Variants in EPHA5 observed in about 807,000 individuals in gnomAD.
EPHA5 encodes EPH receptor A5.
In EPHA5, 60 loss-of-function variants were observed where a neutral mutation model predicts 105.0. The ratio of observed to expected loss-of-function variants is 0.57; its 90% CI spans 0.46 to 0.71. EPHA5 has a LOEUF of 0.71. Among genes scored for constraint, EPHA5 ranks in the 30% least tolerant of loss-of-function variants. The pLI is 0.00. For missense variants in EPHA5, 1,218 were observed against 1,274.7 expected, an observed-to-expected ratio of 0.96 and a Z score of 0.68; for synonymous variants, 513 against 449.1, an observed-to-expected ratio of 1.14 and a Z score of -1.80.
chr4:65,352,818 T>C (rs905888109), intron 12 of EPHA5, among the ~76,000 whole-genome samples: 1 of 150,662 alleles, frequency 6.6e-6, no homozygotes, highest in African/African-American at 2.4e-5. Context: ...CATACTTAAA[T>C]AAAACTTTAG....
intron 8 of EPHA5, among the ~76,000 whole-genome samples, chr4:65,400,748 C>A (rs1303176198): frequency 6.6e-6 from 1 of 151,960 alleles, no homozygotes; most frequent in Non-Finnish European, 1.5e-5. Context: ...ATCATTTGCA[C>A]TTTTTTTGTC....
At chr4:65,498,466 TA>T (rs1178583128) in intron 3 of EPHA5, among the ~76,000 whole-genome samples, 6 of 151,796 alleles carry the variant, frequency 4.0e-5, no homozygotes. Flanking sequence ...GCAGCCTGGG[TA>T]AAAAAGCAAG....
chr4:65,543,716 G>GA (rs1182404033), intron 3 of EPHA5, among the ~76,000 whole-genome samples: 2 of 151,384 alleles, frequency 1.3e-5, no homozygotes, highest in Non-Finnish European at 1.5e-5. Flanking sequence ...CAGAATTCTA[G>GA]AAAAAAATCT....
At position 65,321,395 on chromosome 4, in the gene EPHA5, T is replaced by A. The variant is rs892024133; in HGVS notation, c.*2719A>T. ...TTACTAGAGTTGGCTCCTCTCCTTG[T>A]TCCATTTCTCACACTTGCAGATGAG... On this transcript the variant is annotated 3_prime_UTR_variant, in exon 17 of 17. Transcript: ENST00000613740. The A allele has an allele frequency of 4.3e-6, 1 of 230,288 alleles. No homozygotes were observed. The highest frequency in any genetic ancestry group is 8.6e-6 in the Non-Finnish European group (1 of 116,198). 14.3% of individuals were successfully genotyped at this position (230,288 alleles called of 1,614,324 possible). A position where few individuals can be genotyped will look rare whatever the true frequency, so the allele number is the denominator to read the frequency against.
chr4:65,445,809 C>T (rs1340938138), intron 5 of EPHA5, among the ~76,000 whole-genome samples: 2 of 152,108 alleles, frequency 1.3e-5, no homozygotes, highest in Non-Finnish European at 2.9e-5. Context: ...ATGGATAAAA[C>T]CTCAGGAGCA....
intron 5 of EPHA5, among the ~76,000 whole-genome samples, chr4:65,428,403 A>G (rs369579718): frequency 2.0e-5 from 3 of 152,132 alleles, no homozygotes; most frequent in East Asian, 3.9e-4. Context: ...TGCATTCTCA[A>G]CACACTTAGT....
At chr4:65,565,756 A>AAT (rs1368126477) in intron 3 of EPHA5, among the ~76,000 whole-genome samples, 1 of 151,650 alleles carries the variant, frequency 6.6e-6, no homozygotes, top group Non-Finnish European at 1.5e-5. Context: ...TATTATGGGA[A>AAT]ATATATATGT....
Position 65,482,357 on chromosome 4 carries a change from T to C in EPHA5, c.1402+8020A>G, listed in dbSNP as rs991687582. ...AAATTTTCAGAAAGAGCTCAGAAGA[T>C]ACTTTCTTCACTATAACAATAAAAA... On this transcript the variant is annotated intron_variant, in intron 5 of 16. Transcript: ENST00000613740. Among the ~76,000 whole-genome samples, 12 of 149,324 alleles carry C rather than the reference T, an allele frequency of 8.0e-5. No individual in the cohort carries two copies. The East Asian group carries it at 2.1e-3, about 27-fold the overall frequency.
intron 2 of EPHA5, among the ~76,000 whole-genome samples, chr4:65,628,061 G>A (rs1746308414): frequency 6.6e-6 from 1 of 151,938 alleles, no homozygotes; most frequent in Non-Finnish European, 1.5e-5. Flanking sequence ...CTGTTTTTAT[G>A]ATGTGGTTTT....
chr4:65,324,766 A>C (rs1248362691), intron 16 of EPHA5, among the ~76,000 whole-genome samples: 1 of 86,594 alleles, frequency 1.2e-5, no homozygotes, highest in African/African-American at 3.8e-5. Flanking sequence ...TTTTTACTTT[A>C]TACTGAAAGT....
chr4:65,452,701 A>C (rs2149110252), intron 5 of EPHA5, among the ~76,000 whole-genome samples: 1 of 152,322 alleles, frequency 6.6e-6, no homozygotes, highest in East Asian at 1.9e-4. Flanking sequence ...GCAAGCAAAT[A>C]AACTAAAATG....
chr4:65,347,595 T>C (rs994186783), intron 14 of EPHA5, among the ~76,000 whole-genome samples: 2 of 152,314 alleles, frequency 1.3e-5, no homozygotes, highest in Non-Finnish European at 2.9e-5. Context: ...CAACTCTTCT[T>C]ACATTTTTTA....
In EPHA5 at chr4:65,670,314, C is replaced by T. The variant is rs1404109551; in HGVS notation, c.-572G>A. ...CAAAGAGACTGGCAGAAGGAAATAGCTGCGGGCTGAGTGCTGAAGAGGGGA... is the reference window on the plus strand; with the variant it reads ...CAAAGAGACTGGCAGAAGGAAATAGTTGCGGGCTGAGTGCTGAAGAGGGGA... On this transcript the variant is annotated 5_prime_UTR_variant, in exon 1 of 17. Coordinates refer to ENST00000613740, the MANE Select transcript of EPHA5 (RefSeq NM_001281766.3). 28 of 233,488 alleles carry T rather than the reference C, an allele frequency of 1.2e-4. No homozygotes were observed. In the Admixed American group the frequency reaches 1.6e-3, roughly 13 times the overall value. The allele number at this position is 233,488 out of a possible 1,614,324, so 14.5% of individuals were successfully genotyped here. A position where few individuals can be genotyped will look rare whatever the true frequency, so the allele number is the denominator to read the frequency against.
At chr4:65,564,873 G>A (rs1254839118) in intron 3 of EPHA5, among the ~76,000 whole-genome samples, 4 of 151,704 alleles carry the variant, frequency 2.6e-5, no homozygotes. Context: ...CATTTCTAAT[G>A]CAAAGTGTTC....
At chr4:65,402,002 T>C (rs920219646) in intron 8 of EPHA5, among the ~76,000 whole-genome samples, 1 of 151,938 alleles carries the variant, frequency 6.6e-6, no homozygotes, top group Non-Finnish European at 1.5e-5. Flanking sequence ...ATAATCCCCA[T>C]AATCCCCACA....
chr4:65,365,344 A>G (rs1048040238), intron 10 of EPHA5, 142 bp from the exon 11 acceptor site: 34 of 695,380 alleles, frequency 4.9e-5, no homozygotes, highest in Non-Finnish European at 7.1e-5. Context: ...AAGCAGTCAG[A>G]AAAGGGTAGT....
intron 3 of EPHA5, among the ~76,000 whole-genome samples, chr4:65,510,213 T>G (rs1443071812): frequency 6.6e-6 from 1 of 151,420 alleles, no homozygotes; most frequent in Admixed American, 6.6e-5. Context: ...TTTGTGTTTT[T>G]TTTTTTTTTT....
chr4:65,402,822 C>A (rs1315575554), intron 8 of EPHA5, among the ~76,000 whole-genome samples: 4 of 152,084 alleles, frequency 2.6e-5, no homozygotes, highest in African/African-American at 9.7e-5. Flanking sequence ...CTAGTAGTTA[C>A]AGTTCTTGCA....
At chr4:65,520,171 A>C (rs1005966504) in intron 3 of EPHA5, among the ~76,000 whole-genome samples, 2 of 152,198 alleles carry the variant, frequency 1.3e-5, no homozygotes, top group South Asian at 2.1e-4. Flanking sequence ...TACTGGTACC[A>C]ACACAGAGAT....
Sources: gnomAD v4.1 joint callset for allele counts (sites outside exome capture counted in the v4.1 genomes callset) on GRCh38, gnomAD v4.1.1 for gene constraint, MANE v1.5 for transcripts, NCBI Gene and HGNC (gene_info 2026-07-23, HGNC 2026-07-21) for gene names.